PIWIL2: variants seen among roughly 807,000 people sequenced by gnomAD.
PIWIL2 encodes the protein piwi like RNA-mediated gene silencing 2.
Under a neutral mutation model 116.5 loss-of-function variants are expected in PIWIL2, and 81 were observed. That is an observed-to-expected ratio of 0.70 (90% CI 0.58 to 0.84). PIWIL2 has a LOEUF of 0.84. Ranked by LOEUF, PIWIL2 falls within the 40% of genes least tolerant of loss-of-function variation. The pLI, the probability that PIWIL2 is intolerant of heterozygous loss-of-function variation, is 0.00. For synonymous variants in PIWIL2, 489 were observed against 429.5 expected, an observed-to-expected ratio of 1.14 and a Z score of -1.71; for missense variants, 1,272 against 1,212.3, an observed-to-expected ratio of 1.05 and a Z score of -0.73.
At chr8:22,295,074 G>T (rs991705322) in intron 10 of PIWIL2, among the ~76,000 whole-genome samples, 1 of 151,684 alleles carries the variant, frequency 6.6e-6, no homozygotes, top group Non-Finnish European at 1.5e-5. Context: ...GCGAGACTTC[G>T]TCTGGGGGAA....
At chr8:22,319,793 C>G (rs951035667) in intron 20 of PIWIL2, among the ~76,000 whole-genome samples, 1 of 152,144 alleles carries the variant, frequency 6.6e-6, no homozygotes, top group Non-Finnish European at 1.5e-5. Context: ...AGTCATGCTG[C>G]ATTTTATGCC....
intron 11 of PIWIL2, 123 bp from the exon 12 acceptor site, chr8:22,304,661 G>T: frequency 1.7e-6 from 1 of 573,456 alleles, no homozygotes. Context: ...GTTTGCAGTG[G>T]CTCCTTGACA....
intron 1 of PIWIL2, among the ~76,000 whole-genome samples, chr8:22,276,740 A>AT (rs1480531475): frequency 6.6e-6 from 1 of 151,990 alleles, no homozygotes; most frequent in Non-Finnish European, 1.5e-5. Context: ...GTCTCTACAA[A>AT]TTTTTTTTAA....
At chr8:22,304,968 A>G (rs1586559834) in intron 12 of PIWIL2, 100 bp downstream of exon 12, 2 of 789,118 alleles carry the variant, frequency 2.5e-6, no homozygotes, top group Non-Finnish European at 4.4e-6. Flanking sequence ...TGGAGTAGCA[A>G]TCGTAGTGTA....
intron 2 of PIWIL2, 124 bp from the exon 3 acceptor site, chr8:22,280,996 T>A: frequency 1.7e-6 from 1 of 591,196 alleles, no homozygotes. Context: ...ATAAAATGTT[T>A]CCCTTTATTC....
intron 20 of PIWIL2, among the ~76,000 whole-genome samples, chr8:22,327,877 A>G (rs1831763668): frequency 6.6e-6 from 1 of 152,220 alleles, no homozygotes; most frequent in Non-Finnish European, 1.5e-5. Flanking sequence ...TGTATGATTT[A>G]CAAATATCTC....
At position 22,355,424 on chromosome 8, in the gene PIWIL2, C is replaced by T. The variant is rs767225728; in HGVS notation, c.2841C>T (p.Ala947=). Residue 947 remains alanine (A), a synonymous_variant, in exon 23 of 23, where the codon GCC becomes GCT. Coordinates refer to ENST00000356766, the MANE Select transcript of PIWIL2 (RefSeq NM_018068.5). ...TIRVPAPCKY[A]HKLAFLSGHI... The stretch of plus-strand genomic sequence containing the variant: ...GAGTTCCAGCTCCTTGCAAGTATGC[C>T]CACAAGCTAGCTTTCCTGTCAGGAC... 6.2e-7 allele frequency: 1 copy of T among 1,614,090 alleles called. No homozygotes were observed. Among genetic ancestry groups the T allele is most frequent in the South Asian group, 1.1e-5 (1 of 91,082 alleles).
Position 22,316,329 on chromosome 8 carries a change from A to G in PIWIL2, c.2293A>G (p.Asn765Asp). 1 of 1,594,532 alleles carries G rather than the reference A, an allele frequency of 6.3e-7. No homozygotes were observed. The highest frequency in any genetic ancestry group is 8.6e-7 in the Non-Finnish European group (1 of 1,162,094). ...CGTGGTTGGCTTCGTGGCAAGCATC[A>G]ATCTGTAAGTACTGCTCACAGTGCC... ...RSVVGFVASI[N>D]LTLTKWYSRV... The change falls in exon 19 of 23, where the codon AAT (asparagine) becomes GAT (aspartate). Residue 765 changes from asparagine to aspartate, a missense_variant. Asn to Asp is a conservative substitution (Grantham distance 23). Transcript: ENST00000356766.
At position 22,290,264 on chromosome 8, in the gene PIWIL2, A is replaced by G; in HGVS notation, c.1099A>G (p.Ile367Val). 1 of 1,610,816 alleles carries G rather than the reference A, an allele frequency of 6.2e-7. No homozygotes were observed. Among genetic ancestry groups the G allele is most frequent in the Non-Finnish European group, 8.5e-7 (1 of 1,177,244 alleles). ...GATCTGGCCAGGCTATGCAGCTAGC[A>G]TCCGAAGGACAGATGGAGGGCTCTT... Reference protein sequence around the residue: ...LQIWPGYAASIRRTDGGLFLL... With the variant: ...LQIWPGYAASVRRTDGGLFLL... The change falls in exon 10 of 23, where the codon ATC becomes GTC. Residue 367 changes from isoleucine to valine, a missense_variant. Coordinates refer to ENST00000356766, the MANE Select transcript of PIWIL2 (RefSeq NM_018068.5).
intron 20 of PIWIL2, among the ~76,000 whole-genome samples, chr8:22,335,304 G>T (rs1034336544): frequency 6.6e-5 from 10 of 152,116 alleles, no homozygotes; most frequent in African/African-American, 2.2e-4. Flanking sequence ...ACACTCAAAA[G>T]ATAGTGGTTG....
intron 1 of PIWIL2, among the ~76,000 whole-genome samples, chr8:22,278,498 C>T (rs551966663): frequency 2.3e-4 from 35 of 152,218 alleles, no homozygotes; most frequent in African/African-American, 7.2e-4. Flanking sequence ...CCAGCCTGGG[C>T]GACAGAAGGA....
In PIWIL2 at chr8:22,355,636, A is replaced by G; in HGVS notation, c.*131A>G. Reference sequence around the variant, plus strand: ...TTCCCTTTCTCCAACCCTGTAGAATAAGATTTCTTTCTTGTCTTTTAAACC... The same window carrying G: ...TTCCCTTTCTCCAACCCTGTAGAATGAGATTTCTTTCTTGTCTTTTAAACC... On this transcript the variant is annotated 3_prime_UTR_variant, in exon 23 of 23. Transcript: ENST00000356766. The G allele has an allele frequency of 5.2e-6, 4 of 773,048 alleles. No homozygotes were observed. Among genetic ancestry groups the G allele is most frequent in the Non-Finnish European group, 8.1e-6 (4 of 492,266 alleles). The allele number at this position is 773,048 out of a possible 1,614,324, so 47.9% of individuals were successfully genotyped here. A position where few individuals can be genotyped will look rare whatever the true frequency, so the allele number is the denominator to read the frequency against.
intron 21 of PIWIL2, 50 bp from the exon 22 acceptor site, chr8:22,354,221 C>A: frequency 8.2e-7 from 1 of 1,218,252 alleles, no homozygotes; most frequent in South Asian, 1.2e-5. Context: ...TTTGCCAGCT[C>A]TGTCTGGCTG....
At chr8:22,314,502 G>A (rs533678877) in intron 17 of PIWIL2, 73 bp downstream of exon 17, 3 of 686,064 alleles carry the variant, frequency 4.4e-6, no homozygotes, top group East Asian at 2.9e-5. Context: ...AGGGATATGT[G>A]TGTTCACAAA....
At chr8:22,345,453 G>A (rs1832205110) in intron 20 of PIWIL2, among the ~76,000 whole-genome samples, 1 of 151,580 alleles carries the variant, frequency 6.6e-6, no homozygotes, top group Admixed American at 6.6e-5. Context: ...TTGAGGCCAG[G>A]GATTTGAGAC....
At chr8:22,276,173 G>A (rs1389009288) in intron 1 of PIWIL2, 1 of 152,372 alleles carries the variant, frequency 6.6e-6, no homozygotes, top group African/African-American at 2.4e-5. Context: ...CGTTTAGAGT[G>A]TGAAAGAGGA....
At chr8:22,334,453 C>T (rs1220906143) in intron 20 of PIWIL2, among the ~76,000 whole-genome samples, 4 of 148,904 alleles carry the variant, frequency 2.7e-5, no homozygotes, top group Admixed American at 6.8e-5. Flanking sequence ...ACCTAGGAGG[C>T]GGAGGTTGCA....
intron 11 of PIWIL2, among the ~76,000 whole-genome samples, chr8:22,304,449 T>G (rs1037921157): frequency 6.6e-6 from 1 of 152,214 alleles, no homozygotes; most frequent in Non-Finnish European, 1.5e-5. Flanking sequence ...CTTTGAATTG[T>G]TTTTCTGATT....
At chr8:22,338,092 CAAAAAA>C (rs971328900) in intron 20 of PIWIL2, among the ~76,000 whole-genome samples, 18 of 126,870 alleles carry the variant, frequency 1.4e-4, no homozygotes, top group Non-Finnish European at 2.4e-4. Flanking sequence ...GACTCCATCT[CAAAAAA>C]AAAAAGAAAT....
Sources: allele counts gnomAD v4.1 joint callset (sites outside exome capture counted in the v4.1 genomes callset), GRCh38; gene constraint gnomAD v4.1.1; transcripts MANE v1.5; gene names NCBI Gene and HGNC (gene_info 2026-07-23, HGNC 2026-07-21).